The following LDLRAD4 variants were observed in gnomAD, a reference collection of about 807,000 sequenced individuals.
The protein encoded by LDLRAD4 is low density lipoprotein receptor class A domain containing 4.
Under a neutral mutation model 17.0 loss-of-function variants are expected in LDLRAD4, and 5 were observed. The ratio of observed to expected loss-of-function variants is 0.29; its 90% confidence interval spans 0.15 to 0.62. The LOEUF (loss-of-function observed/expected upper bound fraction) is 0.62, where lower values mean the gene tolerates loss of function less well. LDLRAD4 is among the 20% of genes least tolerant of loss of function. The probability of loss-of-function intolerance (pLI) is 0.84; values close to 1 mark genes in which losing one functional copy is unlikely to be tolerated. For missense variants in LDLRAD4, 340 were observed against 424.7 expected (o/e 0.80, Z 1.75); for synonymous variants, 168 against 171.8 (o/e 0.98, Z 0.17).
intron 1 of LDLRAD4, among the ~76,000 whole-genome samples, chr18:13,297,149 A>C (rs926842759): frequency 6.6e-6 from 1 of 152,274 alleles, no homozygotes; most frequent in South Asian, 2.1e-4. Context: ...CTGAAAGGAA[A>C]TCACTGCCCT....
intron 2 of LDLRAD4, among the ~76,000 whole-genome samples, chr18:13,421,967 G>A (rs2089504250): frequency 6.6e-6 from 1 of 152,218 alleles, no homozygotes; most frequent in Admixed American, 6.5e-5. Context: ...GTCTCCTACT[G>A]AAGGGCTACC....
intron 1 of LDLRAD4, among the ~76,000 whole-genome samples, chr18:13,286,787 G>C (rs1015112222): frequency 2.6e-5 from 4 of 152,202 alleles, no homozygotes; most frequent in Non-Finnish European, 5.9e-5. Flanking sequence ...GTGAGGAGCT[G>C]TCCCTGGCCT....
At chr18:13,642,234 G>GTC in intron 4 of LDLRAD4, 1 of 986,440 alleles carries the variant, frequency 1.0e-6, no homozygotes, top group Non-Finnish European at 1.2e-6. Flanking sequence ...CTCGCTGCTG[G>GTC]CGCCGGGGCC....
intron 1 of LDLRAD4, among the ~76,000 whole-genome samples, chr18:13,256,382 C>T (rs1391793347): frequency 1.3e-5 from 2 of 152,196 alleles, no homozygotes; most frequent in Non-Finnish European, 2.9e-5. Flanking sequence ...CACAGATCAG[C>T]TGCATGGGCA....
chr18:13,266,341 G>A (rs2044215992), intron 1 of LDLRAD4, among the ~76,000 whole-genome samples: 1 of 152,176 alleles, frequency 6.6e-6, no homozygotes, highest in Admixed American at 6.5e-5. Flanking sequence ...GGCAGGGCGT[G>A]GCTTCATTCC....
chr18:13,274,562 C>T (rs1185601218), upstream of LDLRAD4, among the ~76,000 whole-genome samples: 7 of 152,234 alleles, frequency 4.6e-5, no homozygotes, highest in South Asian at 4.2e-4. Context: ...AGGGAGAAAG[C>T]GTGGAGACGA....
At chr18:13,333,716 T>C (rs1456263385) in intron 1 of LDLRAD4, among the ~76,000 whole-genome samples, 1 of 152,232 alleles carries the variant, frequency 6.6e-6, no homozygotes, top group Non-Finnish European at 1.5e-5. Context: ...ATTGACTATT[T>C]TTATATCAGT....
intron 1 of LDLRAD4, among the ~76,000 whole-genome samples, chr18:13,261,223 CT>C (rs375470279): frequency 1.3e-5 from 2 of 152,246 alleles, no homozygotes; most frequent in African/African-American, 4.8e-5. Flanking sequence ...AACTCTGCCC[CT>C]AACATTCCAT....
intron 1 of LDLRAD4, among the ~76,000 whole-genome samples, chr18:13,284,268 T>C (rs562480068): frequency 6.6e-6 from 1 of 152,208 alleles, no homozygotes; most frequent in African/African-American, 2.4e-5. Flanking sequence ...AAAGAGAAAC[T>C]TACCACCTCT....
intron 1 of LDLRAD4, among the ~76,000 whole-genome samples, chr18:13,260,432 C>T (rs546383895): frequency 6.6e-6 from 1 of 152,298 alleles, no homozygotes; most frequent in South Asian, 2.1e-4. Flanking sequence ...GTCATAAATG[C>T]CTTAAATGTA....
chr18:13,492,173 C>A (rs2093371910), intron 3 of LDLRAD4, among the ~76,000 whole-genome samples: 1 of 152,280 alleles, frequency 6.6e-6, no homozygotes, highest in Admixed American at 6.5e-5. Context: ...ACGCTCTTGT[C>A]CCCAGAATGG....
intron 3 of LDLRAD4, among the ~76,000 whole-genome samples, chr18:13,575,879 A>G (rs1480814660): frequency 6.6e-6 from 1 of 152,172 alleles, no homozygotes; most frequent in East Asian, 1.9e-4. Context: ...TTCTTCTGAG[A>G]ATTGTCTACT....
At chr18:13,369,599 T>C (rs1249396484) in intron 1 of LDLRAD4, among the ~76,000 whole-genome samples, 1 of 152,148 alleles carries the variant, frequency 6.6e-6, no homozygotes, top group African/African-American at 2.4e-5. Flanking sequence ...GAGTGTACAC[T>C]GCATCTGAAG....
intron 1 of LDLRAD4, among the ~76,000 whole-genome samples, chr18:13,379,501 G>C (rs1028523969): frequency 1.3e-5 from 2 of 152,220 alleles, no homozygotes; most frequent in Non-Finnish European, 2.9e-5. Flanking sequence ...ACCTGCAGAG[G>C]CAGACGAGAC....
At chr18:13,471,987 A>C (rs964139378) in intron 3 of LDLRAD4, 15 of 152,242 alleles carry the variant, frequency 9.9e-5, no homozygotes, top group African/African-American at 3.4e-4. Context: ...TAAAAACACG[A>C]TTTCCACCTT....
intron 3 of LDLRAD4, among the ~76,000 whole-genome samples, chr18:13,511,012 A>C (rs568623415): frequency 1.3e-5 from 2 of 152,318 alleles, no homozygotes; most frequent in Non-Finnish European, 1.5e-5. Flanking sequence ...AAGCTAATAC[A>C]TGTAAGTTAG....
intron 1 of LDLRAD4, among the ~76,000 whole-genome samples, chr18:13,284,028 T>C (rs2045458416): frequency 6.6e-6 from 1 of 152,074 alleles, no homozygotes; most frequent in African/African-American, 2.4e-5. Context: ...TCAATTACCT[T>C]CCGCTGGGTC....
chr18:13,497,769 G>A (rs1453335081), intron 3 of LDLRAD4, among the ~76,000 whole-genome samples: 1 of 152,200 alleles, frequency 6.6e-6, no homozygotes, highest in Non-Finnish European at 1.5e-5. Context: ...AGCTACAATG[G>A]GAAGAAACAC....
At chr18:13,637,092 C>A (rs62084814) in intron 4 of LDLRAD4, among the ~76,000 whole-genome samples, 1 of 152,198 alleles carries the variant, frequency 6.6e-6, no homozygotes, top group Admixed American at 6.5e-5. Flanking sequence ...GCCACCGTGC[C>A]TGGCCTAAAG....
Sources: gnomAD v4.1 joint callset for allele counts (sites outside exome capture counted in the v4.1 genomes callset) on GRCh38, gnomAD v4.1.1 for gene constraint, MANE v1.5 for transcripts, NCBI Gene and HGNC (gene_info 2026-07-23, HGNC 2026-07-21) for gene names.